NRG3: variants seen among roughly 807,000 people sequenced by gnomAD.
NRG3 encodes neuregulin 3.
NRG3 carries 31 observed loss-of-function variants against 66.9 expected under a neutral mutation model. The observed-to-expected ratio is 0.46, with a 90% CI of 0.35 to 0.63. The LOEUF (loss-of-function observed/expected upper bound fraction) is 0.63. NRG3 is among the 20% of genes least tolerant of loss of function. The pLI is 0.00. For missense variants in NRG3, 910 were observed against 878.9 expected, an observed-to-expected ratio of 1.04 and a Z score of -0.45; for synonymous variants, 393 against 359.4, an observed-to-expected ratio of 1.09 and a Z score of -1.06.
chr10:82,302,465 C>CTA (rs2080459014), intron 1 of NRG3, among the ~76,000 whole-genome samples: 1 of 151,944 alleles, frequency 6.6e-6, no homozygotes, highest in African/African-American at 2.4e-5. Context: ...TTTGTATAAA[C>CTA]TATATATACC....
intron 2 of NRG3, among the ~76,000 whole-genome samples, chr10:82,717,451 G>A (rs945246639): frequency 1.4e-5 from 2 of 140,762 alleles, no homozygotes; most frequent in Admixed American, 1.5e-4. Flanking sequence ...CCAGGCTAGA[G>A]TGCAGTGGCT....
At chr10:82,905,711 T>TCTTC (rs1335887618) in intron 4 of NRG3, among the ~76,000 whole-genome samples, 1 of 152,150 alleles carries the variant, frequency 6.6e-6, no homozygotes, top group Admixed American at 6.6e-5. Flanking sequence ...CCCATTTCTT[T>TCTTC]CTTCCTTTCT....
intron 1 of NRG3, among the ~76,000 whole-genome samples, chr10:81,918,040 A>G (rs906188668): frequency 6.6e-5 from 10 of 152,228 alleles, no homozygotes; most frequent in African/African-American, 2.4e-4. Flanking sequence ...TCCATATGCC[A>G]TGCTCAGAAA....
At chr10:82,571,225 A>G (rs2045715459) in intron 2 of NRG3, among the ~76,000 whole-genome samples, 1 of 151,658 alleles carries the variant, frequency 6.6e-6, no homozygotes, top group African/African-American at 2.4e-5. Flanking sequence ...TAAATAACTT[A>G]TATTAATCAA....
At chr10:82,009,595 A>G (rs1345013091) in intron 1 of NRG3, among the ~76,000 whole-genome samples, 2 of 152,222 alleles carry the variant, frequency 1.3e-5, no homozygotes, top group African/African-American at 4.8e-5. Context: ...TTTACACTAA[A>G]GGAAGTCCAG....
intron 2 of NRG3, among the ~76,000 whole-genome samples, chr10:82,671,890 AT>A (rs1192851748): frequency 6.6e-6 from 1 of 152,208 alleles, no homozygotes; most frequent in Non-Finnish European, 1.5e-5. Flanking sequence ...CAAAGTTTTG[AT>A]TAATTAAATG....
At chr10:82,959,940 CCA>C (rs1850453014) in intron 6 of NRG3, among the ~76,000 whole-genome samples, 1 of 152,112 alleles carries the variant, frequency 6.6e-6, no homozygotes. Context: ...TTCTTTGACC[CCA>C]CACAGCATCC....
intron 2 of NRG3, among the ~76,000 whole-genome samples, chr10:82,416,170 T>C (rs1483620413): frequency 2.0e-5 from 3 of 152,198 alleles, no homozygotes; most frequent in Non-Finnish European, 4.4e-5. Context: ...TTAGGAACTG[T>C]AAAACATACC....
At chr10:82,424,203 T>A (rs2089269261) in intron 2 of NRG3, among the ~76,000 whole-genome samples, 1 of 152,040 alleles carries the variant, frequency 6.6e-6, no homozygotes, top group African/African-American at 2.4e-5. Context: ...ATTTAACATC[T>A]TCAGTAACTG....
chr10:82,250,326 T>A (rs965724497), intron 1 of NRG3, among the ~76,000 whole-genome samples: 6 of 152,172 alleles, frequency 3.9e-5, no homozygotes, highest in African/African-American at 1.4e-4. Flanking sequence ...ACAGTAGAAA[T>A]AAGATGTATA....
intron 1 of NRG3, among the ~76,000 whole-genome samples, chr10:82,211,306 A>T (rs763254110): frequency 1.3e-5 from 2 of 152,140 alleles, no homozygotes; most frequent in Non-Finnish European, 2.9e-5. Flanking sequence ...ATTTAACAAC[A>T]TTGAGAATTT....
At chr10:82,939,445 T>A (rs1479252713) in intron 4 of NRG3, among the ~76,000 whole-genome samples, 1 of 151,078 alleles carries the variant, frequency 6.6e-6, no homozygotes, top group African/African-American at 2.4e-5. Flanking sequence ...GTTGTTGTTG[T>A]TTGTTGTTGT....
chr10:82,588,232 AG>A (rs2046785402), intron 2 of NRG3, among the ~76,000 whole-genome samples: 1 of 152,138 alleles, frequency 6.6e-6, no homozygotes, highest in Non-Finnish European at 1.5e-5. Flanking sequence ...AGTTGGAGGT[AG>A]GGCCTGGTGG....
chr10:82,184,359 T>C (rs2073654821), intron 1 of NRG3, among the ~76,000 whole-genome samples: 1 of 152,202 alleles, frequency 6.6e-6, no homozygotes, highest in South Asian at 2.1e-4. Flanking sequence ...TGGTAAGAAC[T>C]TGTCCAAATG....
At chr10:82,639,678 T>G (rs2050431744) in intron 2 of NRG3, among the ~76,000 whole-genome samples, 1 of 152,226 alleles carries the variant, frequency 6.6e-6, no homozygotes, top group South Asian at 2.1e-4. Flanking sequence ...TGCTCTTGTT[T>G]ATATTGGAAT....
At chr10:82,625,536 A>C (rs187210199) in intron 2 of NRG3, among the ~76,000 whole-genome samples, 11 of 152,252 alleles carry the variant, frequency 7.2e-5, no homozygotes, top group Admixed American at 3.3e-4. Context: ...AATCCTTCTT[A>C]ATGTAGGGCC....
At chr10:82,382,991 A>C (rs573983285) in intron 2 of NRG3, among the ~76,000 whole-genome samples, 3 of 151,942 alleles carry the variant, frequency 2.0e-5, no homozygotes, top group Non-Finnish European at 4.4e-5. Context: ...GCCTGGCCTA[A>C]TTCTTATTAA....
At chr10:82,578,216 TA>T (rs1590741829) in intron 2 of NRG3, among the ~76,000 whole-genome samples, 1 of 150,942 alleles carries the variant, frequency 6.6e-6, no homozygotes, top group East Asian at 2.0e-4. Context: ...TGATTTAGAA[TA>T]AAAAATGTTA....
intron 2 of NRG3, among the ~76,000 whole-genome samples, chr10:82,468,477 T>A (rs1332270708): frequency 2.0e-5 from 3 of 152,008 alleles, no homozygotes; most frequent in Admixed American, 1.3e-4. Context: ...TCTGTTTTAT[T>A]TTAAAAAACA....
Sources: allele counts gnomAD v4.1 joint callset (sites outside exome capture counted in the v4.1 genomes callset), GRCh38; gene constraint gnomAD v4.1.1; transcripts MANE v1.5; gene names NCBI Gene and HGNC (gene_info 2026-07-23, HGNC 2026-07-21).